MANEA: variants seen among roughly 807,000 people sequenced by gnomAD.
MANEA encodes the protein glycoprotein endo-alpha-1,2-mannosidase.
A neutral mutation model predicts 36.8 loss-of-function variants in MANEA; 25 were observed. The ratio of observed to expected loss-of-function variants is 0.68; its 90% CI spans 0.50 to 0.95. The LOEUF (loss-of-function observed/expected upper bound fraction) is 0.95. Among genes scored for constraint, MANEA ranks in the 40% least tolerant of loss-of-function variants. The pLI, the probability that MANEA is intolerant of heterozygous loss-of-function variation, is 0.00. For missense variants in MANEA, 565 were observed against 558.8 expected (o/e 1.01, Z -0.11); for synonymous variants, 198 against 188.5 (o/e 1.05, Z -0.41).
chr6:95,579,386 A>T (rs1425559710), intron 1 of MANEA, among the ~76,000 whole-genome samples: 1 of 152,110 alleles, frequency 6.6e-6, no homozygotes, highest in African/African-American at 2.4e-5. Flanking sequence ...ACAAAACAAA[A>T]CAAAACAAAA....
rs1769759125 is a variant in MANEA, at chr6:95,608,538, C to A, written c.*2133C>A. On this transcript the variant is annotated 3_prime_UTR_variant, in exon 5 of 5. Transcript: ENST00000358812. ...CATTACCCTAACCAGCCAGCAGTAA[C>A]AGATTTCAGAGTAAGATAAAGCAGA... The A allele has an allele frequency of 1.3e-5, 2 of 151,792 alleles. No homozygotes were observed. Among genetic ancestry groups the A allele is most frequent in the South Asian group, 4.1e-4 (2 of 4,822 alleles). The allele number at this position is 151,792 out of a possible 1,614,324, so 9.4% of individuals were successfully genotyped here.
intron 3 of MANEA, among the ~76,000 whole-genome samples, chr6:95,601,150 G>C (rs1769583272): frequency 6.6e-6 from 1 of 152,182 alleles, no homozygotes; most frequent in Admixed American, 6.5e-5. Flanking sequence ...ATGTTTGCTA[G>C]AGCAAAGGCT....
chr6:95,608,924 T>G lies in MANEA; in HGVS notation c.*2519T>G, dbSNP rs990190872. 10 of 151,866 alleles carry G rather than the reference T, an allele frequency of 6.6e-5. No individual in the cohort carries two copies. The highest frequency in any genetic ancestry group is 2.4e-4 in the African/African-American group (10 of 41,424). 9.4% of individuals were successfully genotyped at this position (151,866 alleles called of 1,614,324 possible). A position where few individuals can be genotyped will look rare whatever the true frequency, so the allele number is the denominator to read the frequency against. On this transcript the variant is annotated 3_prime_UTR_variant, in exon 5 of 5. Coordinates refer to ENST00000358812, the MANE Select transcript of MANEA (RefSeq NM_024641.4). ...AAAAGAGTCTGTACATCTTCAGAGT[T>G]TCAGTCGGCAATTTCTTGGCCATGG...
At chr6:95,592,125 A>G (rs1224806765) in intron 2 of MANEA, among the ~76,000 whole-genome samples, 1 of 152,010 alleles carries the variant, frequency 6.6e-6, no homozygotes. Context: ...CTTTTTTCTC[A>G]TTATGGTAAT....
Position 95,606,233 on chromosome 6 carries a change from A to G in MANEA, c.1217A>G (p.His406Arg), listed in dbSNP as rs983503019. The G allele has an allele frequency of 5.0e-6, 8 of 1,614,006 alleles. No homozygotes were observed. The highest frequency in any genetic ancestry group is 1.1e-5 in the South Asian group (1 of 91,082). Reference sequence around the variant, plus strand: ...TCTATCACCTCTTTTAATGAGTGGCATGAAGGAACTCAGATTGAAAAAGCT... The same window carrying G: ...TCTATCACCTCTTTTAATGAGTGGCGTGAAGGAACTCAGATTGAAAAAGCT... ...LISITSFNEW[H>R]EGTQIEKAVP... Residue 406 changes from histidine to arginine, a missense_variant, in exon 5 of 5, where the codon CAT becomes CGT. His to Arg is a conservative substitution (Grantham distance 29). Transcript: ENST00000358812.
Position 95,604,876 on chromosome 6 carries a change from AC to A in MANEA, c.705del (p.Tyr235Ter). 1 of 1,474,162 alleles carries A rather than the reference AC, an allele frequency of 6.8e-7. No homozygotes were observed. Among genetic ancestry groups the A allele is most frequent in the Non-Finnish European group, 9.2e-7 (1 of 1,088,322 alleles). 91.3% of individuals were successfully genotyped at this position (1,474,162 alleles called of 1,614,324 possible). A position where few individuals can be genotyped will look rare whatever the true frequency, so the allele number is the denominator to read the frequency against. On this transcript the variant is annotated frameshift_variant, in exon 4 of 5. Transcript: ENST00000358812. LOFTEE classifies it high-confidence loss of function. ...PYSNRDDQNM[Y>X]KNVKYIIDKY... ...AGCAATCGAGATGATCAAAACATGTACAAAAATGTCAAGTATATTATAGACA... is the reference window on the plus strand; with the variant it reads ...AGCAATCGAGATGATCAAAACATGTAAAAAATGTCAAGTATATTATAGACA...
intron 2 of MANEA, among the ~76,000 whole-genome samples, chr6:95,595,716 G>A (rs1258939261): frequency 1.3e-5 from 2 of 151,894 alleles, no homozygotes; most frequent in African/African-American, 4.8e-5. Context: ...TACGTAATGA[G>A]GCTTTGAATT....
chr6:95,606,077 C>G lies in MANEA; in HGVS notation c.1061C>G (p.Pro354Arg). The change falls in exon 5 of 5, where the codon CCA becomes CGA. Residue 354 changes from proline to arginine, a missense_variant. Physicochemically the swap from Pro to Arg is moderately radical, Grantham distance 103. Transcript: ENST00000358812. ...GATAAATACAACTTAATATTTATCC[C>G]AAGTGTGGGCCCAGGATACATAGAT... is the stretch of plus-strand genomic sequence containing the variant. ...FCDKYNLIFI[P>R]SVGPGYIDTS... The G allele has an allele frequency of 6.2e-7, 1 of 1,613,836 alleles. No homozygotes were observed. The highest frequency in any genetic ancestry group is 8.5e-7 in the Non-Finnish European group (1 of 1,179,880).
chr6:95,594,124 G>C (rs1365373223), intron 2 of MANEA, among the ~76,000 whole-genome samples: 3 of 152,020 alleles, frequency 2.0e-5, no homozygotes. Flanking sequence ...AGAGGGGTAT[G>C]GTTGAAGAGG....
chr6:95,605,164 T>G (rs974169344), intron 4 of MANEA, among the ~76,000 whole-genome samples: 1 of 152,114 alleles, frequency 6.6e-6, no homozygotes, highest in African/African-American at 2.4e-5. Context: ...TCTGTAGTTT[T>G]GATATTTTAA....
At chr6:95,597,465 C>T (rs886274395) in intron 3 of MANEA, among the ~76,000 whole-genome samples, 6 of 151,894 alleles carry the variant, frequency 4.0e-5, no homozygotes, top group African/African-American at 1.2e-4. Context: ...AAATTTTATA[C>T]TGAATAGCAA....
intron 1 of MANEA, among the ~76,000 whole-genome samples, chr6:95,584,161 A>C (rs1273581222): frequency 3.9e-5 from 6 of 152,172 alleles, no homozygotes; most frequent in African/African-American, 1.4e-4. Context: ...TTGATTGTAA[A>C]ACGTGTGTTT....
intron 1 of MANEA, among the ~76,000 whole-genome samples, chr6:95,579,684 A>C (rs1769143928): frequency 6.6e-6 from 1 of 152,206 alleles, no homozygotes; most frequent in Non-Finnish European, 1.5e-5. Context: ...TAATTTTTGA[A>C]GTACTAATTC....
chr6:95,599,529 A>G (rs1321129674), intron 3 of MANEA, among the ~76,000 whole-genome samples: 1 of 152,152 alleles, frequency 6.6e-6, no homozygotes, highest in East Asian at 1.9e-4. Flanking sequence ...TCTTGCAGTT[A>G]TATTCTAATG....
intron 3 of MANEA, among the ~76,000 whole-genome samples, chr6:95,602,229 A>G (rs563041829): frequency 2.6e-5 from 4 of 152,344 alleles, no homozygotes; most frequent in African/African-American, 9.6e-5. Flanking sequence ...TGTCAGATAC[A>G]GTCCCAGATG....
rs962146862 is a variant in MANEA at position 95,609,047 on chromosome 6, G to C, written c.*2642G>C. The C allele has an allele frequency of 1.3e-5, 2 of 151,736 alleles. No homozygotes were observed. Among genetic ancestry groups the C allele is most frequent in the Admixed American group, 1.3e-4 (2 of 15,208 alleles). 9.4% of individuals were successfully genotyped at this position (151,736 alleles called of 1,614,324 possible). A position where few individuals can be genotyped will look rare whatever the true frequency, so the allele number is the denominator to read the frequency against. On this transcript the variant is annotated 3_prime_UTR_variant, in exon 5 of 5. Coordinates refer to ENST00000358812, the MANE Select transcript of MANEA (RefSeq NM_024641.4). ...AGGAAAACTTTCAAAATCTTCCTCA[G>C]GTATTTATTACAACTGCCTTTACCA...
chr6:95,586,532 A>G lies in MANEA; in HGVS notation c.93A>G (p.Pro31=), dbSNP rs772836725. Residue 31 remains proline, a synonymous_variant, in exon 2 of 5, where the codon CCA becomes CCG. Coordinates refer to ENST00000358812, the MANE Select transcript of MANEA (RefSeq NM_024641.4). ...TGATGGGTTTAAAAATGCTGAGACC[A>G]AATACAGCTACTTTTGGAGCTCCTT... The part of the protein sequence containing the change: ...SLMMGLKMLR[P]NTATFGAPFG... The G allele has an allele frequency of 2.5e-6, 4 of 1,613,934 alleles. No homozygotes were observed. The highest frequency in any genetic ancestry group is 3.4e-6 in the Non-Finnish European group (4 of 1,179,976).
chr6:95,594,960 G>A (rs1769457811), intron 2 of MANEA, among the ~76,000 whole-genome samples: 1 of 152,020 alleles, frequency 6.6e-6, no homozygotes. Flanking sequence ...TTCTCCCCGT[G>A]TTTTATATAA....
At chr6:95,580,673 G>A (rs570382755) in intron 1 of MANEA, among the ~76,000 whole-genome samples, 90 of 150,392 alleles carry the variant, frequency 6.0e-4, no homozygotes, top group African/African-American at 1.4e-3. Context: ...TGCAGTGAGC[G>A]GAGATAGTGC....
Sources: gnomAD v4.1 joint callset for allele counts (sites outside exome capture counted in the v4.1 genomes callset) on GRCh38, gnomAD v4.1.1 for gene constraint, MANE v1.5 for transcripts, NCBI Gene and HGNC (gene_info 2026-07-23, HGNC 2026-07-21) for gene names.